DGKB: variants seen among roughly 807,000 people sequenced by gnomAD.
The protein encoded by DGKB is 90 kDa diacylglycerol kinase.
DGKB carries 67 observed loss-of-function variants against 114.3 expected under a neutral mutation model. That is an observed-to-expected ratio of 0.59 (90% CI 0.48 to 0.72). The LOEUF is 0.72. Among genes scored for constraint, DGKB ranks in the 30% least tolerant of loss-of-function variants. The pLI is 0.00. For missense variants in DGKB, 907 were observed against 975.2 expected (o/e 0.93, Z 0.93); for synonymous variants, 398 against 323.1 (o/e 1.23, Z -2.49).
At chr7:14,486,761 T>C (rs10251531) in intron 20 of DGKB, among the ~76,000 whole-genome samples, 60 of 152,266 alleles carry the variant, frequency 3.9e-4, no homozygotes, top group African/African-American at 1.4e-3. Flanking sequence ...TATGGTAGAA[T>C]GGAGAGCTGT....
At position 14,706,024 on chromosome 7, in the gene DGKB, T is replaced by C. The variant is rs1480413361; in HGVS notation, c.467-4294A>G. Among the ~76,000 whole-genome samples, 9 of 150,778 alleles carry C rather than the reference T, an allele frequency of 6.0e-5. No individual in the cohort carries two copies. The South Asian group carries it at 8.4e-4, about 14-fold the overall frequency. On this transcript the variant is annotated intron_variant, in intron 6 of 25. Coordinates refer to ENST00000402815, the MANE Select transcript of DGKB (RefSeq NM_001350709.2). The stretch of plus-strand genomic sequence containing the variant: ...CAATTAAAAGACACAGACTGGCAAA[T>C]TGGATAAAGAGTCAAGACCCATCAG...
chr7:14,394,008 G>A (rs1821850214), intron 21 of DGKB, among the ~76,000 whole-genome samples: 1 of 152,018 alleles, frequency 6.6e-6, no homozygotes, highest in Admixed American at 6.6e-5. Context: ...TAAGCACTTA[G>A]TTCAGTTCAT....
chr7:14,403,523 T>A (rs75839914), intron 21 of DGKB, among the ~76,000 whole-genome samples: 1,657 of 151,374 alleles, frequency 0.011, 14 homozygotes, highest in Non-Finnish European at 0.018. Context: ...TTTTCCATTT[T>A]AAAAAAAACC....
chr7:14,620,244 CCCT>C (rs1202583560), intron 15 of DGKB, among the ~76,000 whole-genome samples: 2 of 150,696 alleles, frequency 1.3e-5, no homozygotes, highest in Admixed American at 6.6e-5. Flanking sequence ...ATTCAGAATT[CCCT>C]CCTTTTATAT....
intron 21 of DGKB, among the ~76,000 whole-genome samples, chr7:14,424,627 A>C (rs1303540851): frequency 6.6e-6 from 1 of 152,032 alleles, no homozygotes; most frequent in African/African-American, 2.4e-5. Flanking sequence ...TAACTGAATA[A>C]AATTTAAATA....
At chr7:14,652,918 T>G (rs951965830) in intron 13 of DGKB, among the ~76,000 whole-genome samples, 1 of 151,894 alleles carries the variant, frequency 6.6e-6, no homozygotes. Flanking sequence ...TCATCATCAC[T>G]GGCCATCAGA....
intron 2 of DGKB, among the ~76,000 whole-genome samples, chr7:14,826,464 T>G (rs191883279): frequency 6.6e-6 from 1 of 152,306 alleles, no homozygotes; most frequent in African/African-American, 2.4e-5. Flanking sequence ...TGGGGCTTCC[T>G]GGTCCCTATA....
intron 13 of DGKB, among the ~76,000 whole-genome samples, chr7:14,662,752 A>G (rs1817377433): frequency 1.3e-5 from 2 of 152,020 alleles, no homozygotes; most frequent in South Asian, 4.2e-4. Context: ...AAAAGGTGAA[A>G]AAAAAACCTA....
intron 7 of DGKB, among the ~76,000 whole-genome samples, chr7:14,701,239 T>C (rs942393798): frequency 1.3e-5 from 2 of 152,182 alleles, no homozygotes; most frequent in Non-Finnish European, 2.9e-5. Flanking sequence ...GGACAAAAGA[T>C]ACCATGTAAA....
At position 14,492,420 on chromosome 7, in the gene DGKB, G is replaced by A. The variant is rs77123048; in HGVS notation, c.1771-14195C>T. Among the ~76,000 whole-genome samples the A allele has an allele frequency of 2.7e-3, 405 of 152,138 alleles. 1 individual carries two copies. Among genetic ancestry groups the A allele is most frequent in the African/African-American group, 8.2e-3 (339 of 41,546 alleles). On this transcript the variant is annotated intron_variant, in intron 20 of 25. Coordinates refer to ENST00000402815, the MANE Select transcript of DGKB (RefSeq NM_001350709.2). ...AGAACATATATAAGATATTGCATTGGTGGCACTTAAAATATTTGCTCATGT... is the reference window on the plus strand; with the variant it reads ...AGAACATATATAAGATATTGCATTGATGGCACTTAAAATATTTGCTCATGT...
intron 1 of DGKB, among the ~76,000 whole-genome samples, chr7:14,855,617 T>G (rs1850034071): frequency 6.6e-6 from 1 of 152,116 alleles, no homozygotes; most frequent in Non-Finnish European, 1.5e-5. Flanking sequence ...CCTTCCTAGG[T>G]TATAGGTGAG....
chr7:14,730,481 G>A (rs549801766), intron 5 of DGKB, among the ~76,000 whole-genome samples: 2 of 152,256 alleles, frequency 1.3e-5, no homozygotes, highest in East Asian at 3.9e-4. Context: ...GAAGCATTGG[G>A]TTTTCATGCG....
chr7:14,324,856 A>G (rs964386912), intron 23 of DGKB, among the ~76,000 whole-genome samples: 8 of 152,172 alleles, frequency 5.3e-5, no homozygotes, highest in Non-Finnish European at 7.3e-5. Context: ...TTCTGCCTAG[A>G]AAGAGTTGCT....
chr7:14,644,130 A>T (rs993623411), intron 13 of DGKB, among the ~76,000 whole-genome samples: 2 of 151,456 alleles, frequency 1.3e-5, no homozygotes, highest in African/African-American at 4.8e-5. Flanking sequence ...AAAAAAAAAA[A>T]TCATATGGAG....
intron 5 of DGKB, among the ~76,000 whole-genome samples, chr7:14,732,004 C>G (rs1586064721): frequency 6.6e-6 from 1 of 152,092 alleles, no homozygotes; most frequent in East Asian, 1.9e-4. Context: ...AATAAGTCAT[C>G]TTCTTCATGA....
At chr7:14,699,906 A>T (rs1338508710) in intron 7 of DGKB, among the ~76,000 whole-genome samples, 1 of 152,140 alleles carries the variant, frequency 6.6e-6, no homozygotes, top group Non-Finnish European at 1.5e-5. Flanking sequence ...CAGAGACAAA[A>T]AAAAAAAGGA....
chr7:14,653,450 A>G, intron 13 of DGKB, among the ~76,000 whole-genome samples: 1 of 152,060 alleles, frequency 6.6e-6, no homozygotes, highest in East Asian at 1.9e-4. Context: ...GTGGGAATTG[A>G]ACAATGAGAT....
At chr7:14,883,298 C>G (rs568992096) in intron 1 of DGKB, among the ~76,000 whole-genome samples, 148 of 152,000 alleles carry the variant, frequency 9.7e-4, no homozygotes, top group African/African-American at 3.4e-3. Flanking sequence ...AAGGGTCTAT[C>G]TTCCCCTAAA....
rs778961180 is a variant in DGKB, at chr7:14,178,033, G to T, written c.2241C>A (p.Ile747=). The change falls in exon 24 of 26, where the codon ATC becomes ATA. Residue 747 remains isoleucine (I), a splice_region_variant and synonymous_variant. Coordinates refer to ENST00000402815, the MANE Select transcript of DGKB (RefSeq NM_001350709.2). ...GTCAGTTACAGAAAGGGAACTACCT[G>T]ATGACCACGCAGGAGCACTGAGCCA... The part of the protein sequence containing the change: ...RRLAQCSCVV[I]RTSKSLPMQI... 3 of 1,565,150 alleles carry T rather than the reference G, an allele frequency of 1.9e-6. No homozygotes were observed. Among genetic ancestry groups the T allele is most frequent in the Non-Finnish European group, 2.6e-6 (3 of 1,161,380 alleles).
Sources: gnomAD v4.1 joint callset for allele counts (sites outside exome capture counted in the v4.1 genomes callset) on GRCh38, gnomAD v4.1.1 for gene constraint, MANE v1.5 for transcripts, NCBI Gene and HGNC (gene_info 2026-07-23, HGNC 2026-07-21) for gene names.